Variants in CSNK2A2 observed in about 807,000 individuals in gnomAD.
The protein encoded by CSNK2A2 is casein kinase 2 alpha 2, also known as casein kinase II subunit alpha'.
CSNK2A2 carries 8 observed loss-of-function variants against 54.0 expected under a neutral mutation model. The ratio of observed to expected loss-of-function variants is 0.15; its 90% CI spans 0.09 to 0.27. CSNK2A2 has a LOEUF of 0.27. Ranked by LOEUF, CSNK2A2 falls within the 10% of genes least tolerant of loss-of-function variation. The probability of loss-of-function intolerance (pLI) is 1.00; values close to 1 mark genes in which losing one functional copy is unlikely to be tolerated. For missense variants in CSNK2A2, 242 were observed against 439.4 expected (o/e 0.55, Z 4.02); for synonymous variants, 141 against 153.9 (o/e 0.92, Z 0.62).
Position 58,157,958 on chromosome 16 carries a change from G to C in CSNK2A2, c.*413C>G, listed in dbSNP as rs753498836. 2.6e-5 allele frequency: 4 copies of C among 152,446 alleles called. No individual in the cohort carries two copies. Among genetic ancestry groups the C allele is most frequent in the Admixed American group, 2.0e-4 (3 of 15,266 alleles). The allele number at this position is 152,446 out of a possible 1,614,324, so 9.4% of individuals were successfully genotyped here. ...ATATATACTTTTAAAATAATAATAT[G>C]TAACTGCCGCCATGCCACATACTGC... On this transcript the variant is annotated 3_prime_UTR_variant, in exon 12 of 12. Transcript: ENST00000262506.
At position 58,197,075 on chromosome 16, in the gene CSNK2A2, C is replaced by T; in HGVS notation, c.105-231G>A. On this transcript the variant is annotated intron_variant, in intron 1 of 11. Transcript: ENST00000262506. This position sits in a 1 kb window ranked among gnomAD's most constrained non-coding sequence, Gnocchi z 4.0. ...AACTTGGGAAGATGGGGCAGGAAGGCAACGCTCTGAGCCAATCCAGAGGGG... is the reference window on the plus strand; with the variant it reads ...AACTTGGGAAGATGGGGCAGGAAGGTAACGCTCTGAGCCAATCCAGAGGGG... The T allele has an allele frequency of 2.0e-6, 1 of 505,352 alleles. No homozygotes were observed. The highest frequency in any genetic ancestry group is 3.2e-5 in the Admixed American group (1 of 31,624). 31.3% of individuals were successfully genotyped at this position (505,352 alleles called of 1,614,324 possible). A position where few individuals can be genotyped will look rare whatever the true frequency, so the allele number is the denominator to read the frequency against.
At chr16:58,166,504 G>T in intron 9 of CSNK2A2, 80 bp downstream of exon 9, 2 of 918,756 alleles carry the variant, frequency 2.2e-6, no homozygotes, top group South Asian at 1.4e-5. Context: ...ATCAGAATGG[G>T]AAAAGAAAGT....
At chr16:58,171,958 C>CATATAT (rs71155247) in intron 5 of CSNK2A2, among the ~76,000 whole-genome samples, 1,361 of 31,242 alleles carry the variant, frequency 0.044, 89 homozygotes, top group Non-Finnish European at 0.063. Flanking sequence ...CTGGAGCATG[C>CATATAT]ATATATATAT....
At chr16:58,168,777 C>A in intron 5 of CSNK2A2, 84 bp from the exon 6 acceptor site, 1 of 1,087,488 alleles carries the variant, frequency 9.2e-7, no homozygotes, top group East Asian at 2.4e-5. Context: ...TTTGTGACAC[C>A]TTGACTTGAA....
rs1962352716 is a variant in CSNK2A2, at chr16:58,192,930, C to T, written c.216+3803G>A. On this transcript the variant is annotated intron_variant, in intron 2 of 11. Transcript: ENST00000262506. ...AATGGTTTCTAGGTTTCTAAGTGCC[C>T]GCATTCTGCGATTCTGTTTGACACA... 5.9e-5 allele frequency: 9 copies of T among 152,326 alleles called. No individual in the cohort carries two copies. In the South Asian group the frequency reaches 1.9e-3, roughly 32 times the overall value. 9.4% of individuals were successfully genotyped at this position (152,326 alleles called of 1,614,324 possible). A position where few individuals can be genotyped will look rare whatever the true frequency, so the allele number is the denominator to read the frequency against.
chr16:58,193,481 A>C (rs1269511115), intron 2 of CSNK2A2, among the ~76,000 whole-genome samples: 1 of 152,260 alleles, frequency 6.6e-6, no homozygotes, highest in African/African-American at 2.4e-5. Flanking sequence ...TCTAAGAGGA[A>C]GCCTTATATG....
intron 4 of CSNK2A2, among the ~76,000 whole-genome samples, chr16:58,179,430 G>A (rs908009747): frequency 1.3e-5 from 2 of 151,920 alleles, no homozygotes; most frequent in African/African-American, 4.8e-5. Context: ...GAACCCAGGA[G>A]GCGGAGGTTA....
chr16:58,165,778 A>C lies in CSNK2A2; in HGVS notation c.828-70T>G. The C allele has an allele frequency of 3.3e-6, 5 of 1,494,666 alleles. No individual in the cohort carries two copies. The South Asian group carries it at 6.5e-5, about 19-fold the overall frequency. 92.6% of individuals were successfully genotyped at this position (1,494,666 alleles called of 1,614,324 possible). A position where few individuals can be genotyped will look rare whatever the true frequency, so the allele number is the denominator to read the frequency against. On this transcript the variant is annotated intron_variant, in intron 9 of 11. Coordinates refer to ENST00000262506, the MANE Select transcript of CSNK2A2 (RefSeq NM_001896.4). ...CAAGAATCCTTATCTACTAGGGCTA[A>C]AGCCAACAAAATCTCAGAATAATGT...
Position 58,197,596 on chromosome 16 carries a change from G to T in CSNK2A2, c.104+37C>A. ...CAGGGGGTGGCCGGGCGGGGGCAGG[G>T]ATCAGCGGGCCCGGCGGGGGGCGGC... On this transcript the variant is annotated intron_variant, in intron 1 of 11. Coordinates refer to ENST00000262506, the MANE Select transcript of CSNK2A2 (RefSeq NM_001896.4). The surrounding 1 kb of genome is among the most constrained non-coding windows in gnomAD (Gnocchi z 4.0). 7.0e-7 allele frequency: 1 copy of T among 1,420,910 alleles called. No homozygotes were observed. The highest frequency in any genetic ancestry group is 9.6e-7 in the Non-Finnish European group (1 of 1,044,060). The allele number at this position is 1,420,910 out of a possible 1,614,324, so 88.0% of individuals were successfully genotyped here. A position where few individuals can be genotyped will look rare whatever the true frequency, so the allele number is the denominator to read the frequency against.
At chr16:58,188,615 G>T (rs903268515) in intron 2 of CSNK2A2, among the ~76,000 whole-genome samples, 1 of 152,230 alleles carries the variant, frequency 6.6e-6, no homozygotes. Flanking sequence ...GTGAATGAGA[G>T]CTGTAGATTA....
At chr16:58,170,459 T>A (rs1417748291) in intron 5 of CSNK2A2, among the ~76,000 whole-genome samples, 1 of 152,128 alleles carries the variant, frequency 6.6e-6, no homozygotes, top group Admixed American at 6.6e-5. Flanking sequence ...ATTTGGGTTG[T>A]TTCCACTCAT....
intron 5 of CSNK2A2, among the ~76,000 whole-genome samples, chr16:58,170,035 G>C (rs1961692320): frequency 6.6e-6 from 1 of 151,436 alleles, no homozygotes; most frequent in Non-Finnish European, 1.5e-5. Flanking sequence ...AACAAAGCGG[G>C]TCTCAAAAAA....
At chr16:58,178,657 C>T (rs1013322521) in intron 4 of CSNK2A2, among the ~76,000 whole-genome samples, 1 of 152,118 alleles carries the variant, frequency 6.6e-6, no homozygotes, top group Non-Finnish European at 1.5e-5. Context: ...CTCATTCATT[C>T]GTTTCGAAGT....
chr16:58,166,871 C>G lies in CSNK2A2; in HGVS notation c.727-187G>C, dbSNP rs78812882. Reference sequence around the variant, plus strand: ...GTTCACATGAATGCAAATTTCCAAACGGCCTTTAAAATAATACAACTTACG... The same window carrying G: ...GTTCACATGAATGCAAATTTCCAAAGGGCCTTTAAAATAATACAACTTACG... On this transcript the variant is annotated intron_variant, in intron 8 of 11. Transcript: ENST00000262506. Among the ~76,000 whole-genome samples the G allele has an allele frequency of 3.1e-3, 472 of 152,284 alleles. 13 individuals are homozygous for G. In the East Asian group the frequency reaches 0.077, roughly 25 times the overall value.
intron 4 of CSNK2A2, among the ~76,000 whole-genome samples, chr16:58,176,030 C>T (rs1961869698): frequency 6.6e-6 from 1 of 152,200 alleles, no homozygotes; most frequent in Non-Finnish European, 1.5e-5. Flanking sequence ...TTAGCCAGGA[C>T]TTGGCTGCAC....
At chr16:58,178,510 G>A (rs370663707) in intron 4 of CSNK2A2, among the ~76,000 whole-genome samples, 3 of 152,050 alleles carry the variant, frequency 2.0e-5, no homozygotes, top group South Asian at 2.1e-4. Context: ...TCTAACTCCC[G>A]ACCTCAGGTG....
At chr16:58,177,852 A>G (rs1276228400) in intron 4 of CSNK2A2, among the ~76,000 whole-genome samples, 2 of 152,218 alleles carry the variant, frequency 1.3e-5, no homozygotes, top group African/African-American at 4.8e-5. Context: ...AGAATTGTTT[A>G]CATGTAACCT....
intron 2 of CSNK2A2, among the ~76,000 whole-genome samples, chr16:58,187,558 T>C (rs1042274107): frequency 3.9e-5 from 6 of 152,222 alleles, no homozygotes; most frequent in African/African-American, 1.4e-4. Context: ...TTACTCTCAT[T>C]ATACATATTA....
chr16:58,181,452 CCTT>C (rs1179302886), intron 4 of CSNK2A2, among the ~76,000 whole-genome samples: 2 of 152,126 alleles, frequency 1.3e-5, no homozygotes, highest in Non-Finnish European at 2.9e-5. Context: ...AAGCCTGCAT[CCTT>C]GAGACAGGGG....
Sources: allele counts gnomAD v4.1 joint callset (sites outside exome capture counted in the v4.1 genomes callset), GRCh38; gene constraint gnomAD v4.1.1; non-coding constraint Gnocchi (gnomAD v3.1); transcripts MANE v1.5; gene names NCBI Gene and HGNC (gene_info 2026-07-23, HGNC 2026-07-21).